Variants in ATP9A observed in about 807,000 individuals in gnomAD.
The protein encoded by ATP9A is ATPase phospholipid transporting 9A.
A neutral mutation model predicts 144.1 loss-of-function variants in ATP9A; 52 were observed. That is an observed-to-expected ratio of 0.36 (90% confidence interval 0.29 to 0.45). The LOEUF (loss-of-function observed/expected upper bound fraction) is 0.45, where lower values mean the gene tolerates loss of function less well. Among genes scored for constraint, ATP9A ranks in the 20% least tolerant of loss-of-function variants. ATP9A has a pLI of 1.00. For synonymous variants in ATP9A, 582 were observed against 557.4 expected, an observed-to-expected ratio of 1.04 and a Z score of -0.62; for missense variants, 947 against 1,392.7, an observed-to-expected ratio of 0.68 and a Z score of 5.09.
In ATP9A at chr20:51,750,262, G is replaced by A. The variant is rs116281555; in HGVS notation, c.68+18040C>T. 2.2e-3 allele frequency among the ~76,000 whole-genome samples: 328 copies of A among 152,326 alleles called. 2 individuals are homozygous for A. The highest frequency in any genetic ancestry group is 7.1e-3 in the African/African-American group (296 of 41,582). ...TCTTGCCATGAGCTTGTAGGTCAGA[G>A]AGCAGACACCATTCACCTCCCCCAG... is the stretch of plus-strand genomic sequence containing the variant. On this transcript the variant is annotated intron_variant, in intron 1 of 27. Coordinates refer to ENST00000338821, the MANE Select transcript of ATP9A (RefSeq NM_006045.3).
chr20:51,615,835 C>T (rs1332246130), intron 22 of ATP9A, among the ~76,000 whole-genome samples: 1 of 152,132 alleles, frequency 6.6e-6, no homozygotes. Flanking sequence ...GGGGTCTCAC[C>T]ATGTTGGCCA....
Position 51,618,948 on chromosome 20 carries a change from G to A in ATP9A, c.2205+6C>T, listed in dbSNP as rs183708173. 8.1e-6 allele frequency: 13 copies of A among 1,613,936 alleles called. No homozygotes were observed. In the Admixed American group the frequency reaches 2.2e-4, roughly 27 times the overall value. ...AGGACTGGCTCTCAGGGGTCCCCAA[G>A]CTCACCTCCAGGGAGTCTCCCGAGA... On this transcript the variant is annotated splice_donor_region_variant and intron_variant, in intron 20 of 27. Transcript: ENST00000338821.
chr20:51,712,033 T>A (rs996755631), intron 4 of ATP9A, among the ~76,000 whole-genome samples: 2 of 150,760 alleles, frequency 1.3e-5, no homozygotes, highest in African/African-American at 4.9e-5. Context: ...TTTTTGTATT[T>A]GTAGCAGAGA....
intron 1 of ATP9A, among the ~76,000 whole-genome samples, chr20:51,743,645 C>T (rs1414610595): frequency 1.4e-5 from 2 of 146,858 alleles, no homozygotes; most frequent in African/African-American, 4.9e-5. Context: ...CCTCGTGATT[C>T]GCCCGCCTCA....
At chr20:51,715,994 T>C (rs948698947) in intron 3 of ATP9A, among the ~76,000 whole-genome samples, 8 of 134,674 alleles carry the variant, frequency 5.9e-5, no homozygotes, top group Non-Finnish European at 9.2e-5. Flanking sequence ...CTATGGGAGA[T>C]AGAAATCAGA....
At chr20:51,743,215 A>G (rs896242264) in intron 1 of ATP9A, among the ~76,000 whole-genome samples, 4 of 152,104 alleles carry the variant, frequency 2.6e-5, no homozygotes, top group African/African-American at 7.2e-5. Flanking sequence ...CTGGTGCCCC[A>G]GGGTTCCAGA....
At chr20:51,666,679 T>TCAAA (rs2077434355) in intron 13 of ATP9A, among the ~76,000 whole-genome samples, 1 of 135,296 alleles carries the variant, frequency 7.4e-6, no homozygotes, top group African/African-American at 2.7e-5. Flanking sequence ...GACTGTGTCT[T>TCAAA]AAAAAAAAAA....
chr20:51,633,794 A>AAAAG (rs568489747), intron 15 of ATP9A, among the ~76,000 whole-genome samples: 2 of 151,390 alleles, frequency 1.3e-5, no homozygotes, highest in Non-Finnish European at 2.9e-5. Context: ...GGAGGCAAAA[A>AAAAG]AAAGAAAGAA....
intron 9 of ATP9A, among the ~76,000 whole-genome samples, chr20:51,688,820 A>G (rs1398708015): frequency 1.3e-5 from 2 of 152,040 alleles, no homozygotes; most frequent in Non-Finnish European, 2.9e-5. Flanking sequence ...ACAGGCAATT[A>G]GAGCTACTGC....
intron 15 of ATP9A, among the ~76,000 whole-genome samples, chr20:51,633,883 G>A (rs1446874697): frequency 3.5e-5 from 5 of 143,036 alleles, no homozygotes; most frequent in African/African-American, 1.3e-4. Flanking sequence ...AGGAAGGAAG[G>A]AAGGAAAAGA....
intron 4 of ATP9A, among the ~76,000 whole-genome samples, chr20:51,707,046 G>A (rs746564667): frequency 1.0e-3 from 154 of 152,250 alleles, no homozygotes; most frequent in Non-Finnish European, 1.6e-3. Context: ...CTGGGGTTCT[G>A]TAGCCTGCCA....
rs1262751493 is a variant in ATP9A at position 51,622,110 on chromosome 20, C to T, written c.2079G>A (p.Leu693=). 6.2e-7 allele frequency: 1 copy of T among 1,614,006 alleles called. No homozygotes were observed. Among genetic ancestry groups the T allele is most frequent in the Non-Finnish European group, 8.5e-7 (1 of 1,180,006 alleles). Residue 693 remains leucine, a synonymous_variant, in exon 19 of 28, where the codon CTG becomes CTA. Transcript: ENST00000338821. ...CGTGGATGTCTTGGTTTCTGGTCAC[C>T]AGATGTGCATTCTTCGCTGTGCACG... ...TATCTAKNAH[L]VTRNQDIHVF... is the part of the protein sequence containing the mutation.
intron 25 of ATP9A, among the ~76,000 whole-genome samples, chr20:51,607,972 A>G (rs2077170117): frequency 6.8e-6 from 1 of 148,132 alleles, no homozygotes; most frequent in Non-Finnish European, 1.5e-5. Flanking sequence ...TGAACCCAGG[A>G]GGTGGATGTT....
chr20:51,664,920 C>G (rs1467469029), intron 13 of ATP9A, among the ~76,000 whole-genome samples: 1 of 147,222 alleles, frequency 6.8e-6, no homozygotes, highest in South Asian at 2.1e-4. Flanking sequence ...TTAGTAGAGA[C>G]GGGGTTTCAC....
chr20:51,705,595 A>G (rs1316528523), intron 4 of ATP9A, among the ~76,000 whole-genome samples: 2 of 152,210 alleles, frequency 1.3e-5, no homozygotes, highest in African/African-American at 4.8e-5. Context: ...ACTTCTTTCA[A>G]GGCTAATTGT....
At chr20:51,698,416 G>A (rs970133775) in intron 4 of ATP9A, among the ~76,000 whole-genome samples, 1 of 152,126 alleles carries the variant, frequency 6.6e-6, no homozygotes, top group Admixed American at 6.6e-5. Context: ...CCGGCTATTC[G>A]AGAGGCTGAG....
intron 13 of ATP9A, 111 bp downstream of exon 13, chr20:51,669,886 T>G (rs1458670819): frequency 1.3e-6 from 1 of 763,626 alleles, no homozygotes. Context: ...AAACAATGAA[T>G]TGTACTCTTG....
At chr20:51,664,479 T>G (rs1460989333) in intron 13 of ATP9A, among the ~76,000 whole-genome samples, 1 of 151,922 alleles carries the variant, frequency 6.6e-6, no homozygotes, top group African/African-American at 2.4e-5. Flanking sequence ...TCCCAGCTAC[T>G]TGGGAGGCTG....
intron 13 of ATP9A, among the ~76,000 whole-genome samples, chr20:51,668,099 G>C (rs868317277): frequency 3.5e-5 from 1 of 28,520 alleles, no homozygotes; most frequent in East Asian, 2.5e-3. Context: ...GGGGGGGGGG[G>C]GGCGGAAGGG....
Sources: gnomAD v4.1 joint callset for allele counts (sites outside exome capture counted in the v4.1 genomes callset) on GRCh38, gnomAD v4.1.1 for gene constraint, MANE v1.5 for transcripts, NCBI Gene and HGNC (gene_info 2026-07-23, HGNC 2026-07-21) for gene names.